Variants in ESR1 observed in about 807,000 individuals in gnomAD.
The protein encoded by ESR1 is estrogen receptor 1.
In ESR1, 12 loss-of-function variants were observed where a neutral mutation model predicts 52.7. The ratio of observed to expected loss-of-function variants is 0.23; its 90% CI spans 0.15 to 0.37. The LOEUF (loss-of-function observed/expected upper bound fraction) is 0.37. Among genes scored for constraint, ESR1 ranks in the 10% least tolerant of loss-of-function variants. ESR1 has a pLI of 1.00. For synonymous variants in ESR1, 305 were observed against 316.8 expected, an observed-to-expected ratio of 0.96 and a Z score of 0.39; for missense variants, 584 against 779.7, an observed-to-expected ratio of 0.75 and a Z score of 2.99.
chr6:151,810,469 CT>C (rs1226386037), intron 1 of ESR1, among the ~76,000 whole-genome samples: 2 of 152,074 alleles, frequency 1.3e-5, no homozygotes, highest in Non-Finnish European at 2.9e-5. Context: ...TATTTTTCCC[CT>C]CTCAGTTTTT....
chr6:151,834,692 G>A (rs189821793), intron 1 of ESR1, among the ~76,000 whole-genome samples: 258 of 151,940 alleles, frequency 1.7e-3, no homozygotes, highest in African/African-American at 6.1e-3. Context: ...AGAACTTAAA[G>A]TATAATTAAA....
At chr6:151,768,553 C>T (rs747859183) in intron 2 of ESR1, among the ~76,000 whole-genome samples, 1 of 152,022 alleles carries the variant, frequency 6.6e-6, no homozygotes, top group African/African-American at 2.4e-5. Flanking sequence ...TAATACTGTA[C>T]CTATGTGAAT....
chr6:151,719,802 G>T (rs1199273757), intron 2 of ESR1, among the ~76,000 whole-genome samples: 1 of 152,164 alleles, frequency 6.6e-6, no homozygotes, highest in Non-Finnish European at 1.5e-5. Flanking sequence ...GCAGAGAAAA[G>T]AGTTGTAAAG....
chr6:151,849,620 G>A (rs960856206), intron 2 of ESR1, among the ~76,000 whole-genome samples: 2 of 151,122 alleles, frequency 1.3e-5, no homozygotes, highest in Admixed American at 6.6e-5. Context: ...CTCCAGCCTG[G>A]GCGACAGAGT....
intron 5 of ESR1, among the ~76,000 whole-genome samples, chr6:152,021,890 T>A (rs989239370): frequency 3.3e-5 from 5 of 152,180 alleles, no homozygotes; most frequent in African/African-American, 1.2e-4. Context: ...CCTGCTGCCA[T>A]GCAAGACATC....
intron 5 of ESR1, among the ~76,000 whole-genome samples, chr6:152,035,199 C>T (rs1447498173): frequency 6.6e-6 from 1 of 151,894 alleles, no homozygotes; most frequent in African/African-American, 2.4e-5. Context: ...TACAATCCCA[C>T]CAAATGTCTA....
At chr6:151,994,440 T>C (rs1367523265) in intron 4 of ESR1, among the ~76,000 whole-genome samples, 1 of 152,226 alleles carries the variant, frequency 6.6e-6, no homozygotes. Context: ...GATTTGTATC[T>C]CTCACAGAGC....
At chr6:151,742,794 CG>C (rs1161394685) in intron 2 of ESR1, among the ~76,000 whole-genome samples, 1 of 151,998 alleles carries the variant, frequency 6.6e-6, no homozygotes, top group Non-Finnish European at 1.5e-5. Context: ...AGAATAGGGT[CG>C]GGGATATAGC....
intron 5 of ESR1, among the ~76,000 whole-genome samples, chr6:152,055,751 T>G (rs1404410844): frequency 1.3e-5 from 2 of 152,226 alleles, no homozygotes; most frequent in Non-Finnish European, 2.9e-5. Flanking sequence ...TCCCCAGGCA[T>G]GTAGCCTACC....
At chr6:152,122,337 T>C in intron 6 of ESR1, 1 of 1,604,464 alleles carries the variant, frequency 6.2e-7, no homozygotes, top group South Asian at 1.1e-5. Flanking sequence ...CACCGAGGGC[T>C]TTCGCCAAGA....
intron 3 of ESR1, among the ~76,000 whole-genome samples, chr6:151,943,392 A>C (rs1163025772): frequency 7.0e-6 from 1 of 142,916 alleles, no homozygotes; most frequent in East Asian, 2.0e-4. Context: ...AAAAAAAACA[A>C]AAAAAAACAA....
chr6:151,905,947 G>A (rs918158671), intron 3 of ESR1, among the ~76,000 whole-genome samples: 19 of 152,104 alleles, frequency 1.2e-4, no homozygotes, highest in Admixed American at 7.2e-4. Context: ...TATGCCTAGC[G>A]TTCCATTATT....
intron 6 of ESR1, among the ~76,000 whole-genome samples, chr6:152,086,393 A>C (rs990429010): frequency 8.1e-5 from 12 of 148,480 alleles, no homozygotes; most frequent in African/African-American, 2.9e-4. Flanking sequence ...AATACTTAAT[A>C]TTTATTTAAA....
intron 4 of ESR1, among the ~76,000 whole-genome samples, chr6:151,998,104 C>CT (rs1418340243): frequency 1.3e-5 from 2 of 152,072 alleles, no homozygotes; most frequent in Non-Finnish European, 2.9e-5. Flanking sequence ...AGATATTTTC[C>CT]TTGGGCTTAT....
chr6:152,096,527 A>G (rs1260377693), intron 7 of ESR1: 3 of 420,608 alleles, frequency 7.1e-6, no homozygotes, highest in East Asian at 1.4e-4. Context: ...TGCCCCCAAC[A>G]TTACTACTGA....
At chr6:151,703,610 C>A (rs543942154) in intron 2 of ESR1, among the ~76,000 whole-genome samples, 73 of 152,164 alleles carry the variant, frequency 4.8e-4, no homozygotes, top group African/African-American at 1.7e-3. Flanking sequence ...GAGTTTGATT[C>A]CTCTTTTGGG....
intron 6 of ESR1, among the ~76,000 whole-genome samples, chr6:152,110,326 A>G (rs1214998066): frequency 1.3e-5 from 2 of 152,228 alleles, no homozygotes; most frequent in African/African-American, 4.8e-5. Context: ...GTATATATAC[A>G]TCATGGAATA....
chr6:152,098,647 T>C lies in ESR1; in HGVS notation c.1554-85T>C. 1 of 1,095,064 alleles carries C rather than the reference T, an allele frequency of 9.1e-7. No individual in the cohort carries two copies. The highest frequency in any genetic ancestry group is 1.4e-6 in the Non-Finnish European group (1 of 728,556). 67.8% of individuals were successfully genotyped at this position (1,095,064 alleles called of 1,614,324 possible). On this transcript the variant is annotated intron_variant, in intron 7 of 7. Coordinates refer to ENST00000206249, the MANE Select transcript of ESR1 (RefSeq NM_000125.4). The surrounding 1 kb of genome is among the most constrained non-coding windows in gnomAD (Gnocchi z 5.1). ...GATTGCTAAGTGTCTTTGGAGTTCC[T>C]CTTCCTTCCCCTTCTAGGGATTTCA...
chr6:151,944,589 A>G (rs915730120), intron 4 of ESR1, 81 bp downstream of exon 4: 34 of 1,241,238 alleles, frequency 2.7e-5, no homozygotes, highest in African/African-American at 1.2e-4. Context: ...ATAGTGGGGG[A>G]AAAAGAAGCA....
Sources: gnomAD v4.1 joint callset for allele counts (sites outside exome capture counted in the v4.1 genomes callset) on GRCh38, gnomAD v4.1.1 for gene constraint, Gnocchi (gnomAD v3.1) non-coding constraint, MANE v1.5 for transcripts, NCBI Gene and HGNC (gene_info 2026-07-23, HGNC 2026-07-21) for gene names.